ERG: variants seen among roughly 807,000 people sequenced by gnomAD.
The protein encoded by ERG is transcriptional regulator ERG.
Under a neutral mutation model 55.3 loss-of-function variants are expected in ERG, and 9 were observed. The ratio of observed to expected loss-of-function variants is 0.16; its 90% CI spans 0.10 to 0.28. ERG has a LOEUF of 0.28. Among genes scored for constraint, ERG ranks in the 10% least tolerant of loss-of-function variants. The pLI is 1.00. For missense variants in ERG, 434 were observed against 631.6 expected, an observed-to-expected ratio of 0.69 and a Z score of 3.35; for synonymous variants, 223 against 237.3, an observed-to-expected ratio of 0.94 and a Z score of 0.55.
intron 2 of ERG, among the ~76,000 whole-genome samples, chr21:38,527,248 C>G (rs1324439585): frequency 2.0e-5 from 3 of 152,192 alleles, no homozygotes; most frequent in Non-Finnish European, 4.4e-5. Flanking sequence ...AGAATGTGTT[C>G]TAGTCCTTGA....
intron 1 of ERG, among the ~76,000 whole-genome samples, chr21:38,642,488 C>A (rs1218978795): frequency 7.9e-6 from 1 of 126,600 alleles, no homozygotes; most frequent in East Asian, 2.3e-4. Context: ...ATACACAGAC[C>A]CACTCAAACT....
At chr21:38,600,252 T>C (rs2060156837) in intron 1 of ERG, among the ~76,000 whole-genome samples, 1 of 152,048 alleles carries the variant, frequency 6.6e-6, no homozygotes, top group African/African-American at 2.4e-5. Flanking sequence ...GGTTTGAGAA[T>C]GGCTGGGCAT....
chr21:38,541,369 T>C (rs1247035159), intron 2 of ERG, among the ~76,000 whole-genome samples: 1 of 152,228 alleles, frequency 6.6e-6, no homozygotes, highest in Non-Finnish European at 1.5e-5. Context: ...GTTGCCTGGA[T>C]AGCACTGGCT....
chr21:38,433,616 G>A (rs1452674004), intron 2 of ERG, among the ~76,000 whole-genome samples: 2 of 152,184 alleles, frequency 1.3e-5, no homozygotes, highest in East Asian at 1.9e-4. Flanking sequence ...TGGCACAGCC[G>A]TGGCCATTAG....
intron 1 of ERG, among the ~76,000 whole-genome samples, chr21:38,486,700 G>A (rs1172478945): frequency 1.3e-5 from 2 of 152,070 alleles, no homozygotes; most frequent in Non-Finnish European, 2.9e-5. Flanking sequence ...GCCCATAACA[G>A]CTAACATTAT....
intron 1 of ERG, among the ~76,000 whole-genome samples, chr21:38,580,969 G>A (rs532668664): frequency 6.6e-6 from 1 of 152,268 alleles, no homozygotes; most frequent in South Asian, 2.1e-4. Flanking sequence ...ATATAGTCAC[G>A]TGGACATCCC....
At chr21:38,494,626 T>C (rs1601134288) in intron 1 of ERG, among the ~76,000 whole-genome samples, 1 of 152,252 alleles carries the variant, frequency 6.6e-6, no homozygotes, top group African/African-American at 2.4e-5. Flanking sequence ...AAGATCTGTT[T>C]TGCAAAACAA....
chr21:38,462,420 T>C (rs537645258), intron 1 of ERG, among the ~76,000 whole-genome samples: 5 of 152,338 alleles, frequency 3.3e-5, no homozygotes, highest in African/African-American at 9.6e-5. Flanking sequence ...AAAGGGGTCC[T>C]GAGACCAAAA....
intron 1 of ERG, among the ~76,000 whole-genome samples, chr21:38,580,886 G>T (rs781318562): frequency 5.3e-5 from 8 of 152,174 alleles, no homozygotes; most frequent in Non-Finnish European, 1.0e-4. Flanking sequence ...AAAATAGATG[G>T]AAGTTTGAGA....
intron 2 of ERG, among the ~76,000 whole-genome samples, chr21:38,540,346 A>T (rs1387014499): frequency 6.6e-6 from 1 of 152,050 alleles, no homozygotes; most frequent in African/African-American, 2.4e-5. Flanking sequence ...CATTTTTGTC[A>T]CCCCAAAAGG....
chr21:38,397,372 G>C (rs571337879), intron 6 of ERG, among the ~76,000 whole-genome samples: 1 of 152,166 alleles, frequency 6.6e-6, no homozygotes, highest in Admixed American at 6.5e-5. Context: ...GGCAGAGGTG[G>C]GCGGATCACG....
intron 1 of ERG, among the ~76,000 whole-genome samples, chr21:38,636,801 C>T (rs1468979570): frequency 2.0e-5 from 3 of 152,132 alleles, no homozygotes; most frequent in Non-Finnish European, 4.4e-5. Flanking sequence ...ATTCCGGGGC[C>T]CTGTACTCTA....
At chr21:38,590,007 AGTTCTAATT>A (rs1470857282) in intron 1 of ERG, among the ~76,000 whole-genome samples, 1 of 152,190 alleles carries the variant, frequency 6.6e-6, no homozygotes, top group Non-Finnish European at 1.5e-5. Context: ...TATGCTCTTC[AGTTCTAATT>A]TTAAAATAAA....
intron 1 of ERG, among the ~76,000 whole-genome samples, chr21:38,446,340 T>G (rs1422520744): frequency 2.0e-5 from 3 of 151,526 alleles, no homozygotes; most frequent in African/African-American, 7.3e-5. Context: ...TTACTTTCAA[T>G]TAATATCTTC....
At chr21:38,523,069 G>A (rs2059606094) in intron 2 of ERG, among the ~76,000 whole-genome samples, 1 of 152,178 alleles carries the variant, frequency 6.6e-6, no homozygotes, top group Admixed American at 6.5e-5. Context: ...GAGGCATTGT[G>A]TCTGGGTGAG....
intron 2 of ERG, among the ~76,000 whole-genome samples, chr21:38,535,939 A>G (rs967607490): frequency 2.6e-5 from 4 of 152,108 alleles, no homozygotes; most frequent in African/African-American, 9.7e-5. Context: ...TTTTTAATCA[A>G]CACTATCTTC....
At chr21:38,384,322 G>A (rs1987591562) in intron 9 of ERG, among the ~76,000 whole-genome samples, 1 of 152,198 alleles carries the variant, frequency 6.6e-6, no homozygotes, top group Admixed American at 6.5e-5. Context: ...CTTCCTTAGC[G>A]CTGCCCCTGC....
At chr21:38,507,319 C>T (rs928589070) in intron 2 of ERG, among the ~76,000 whole-genome samples, 16 of 152,212 alleles carry the variant, frequency 1.1e-4, no homozygotes, top group African/African-American at 3.6e-4. Context: ...CCCAACTGCT[C>T]GGTGACCCCG....
intron 2 of ERG, among the ~76,000 whole-genome samples, chr21:38,573,302 T>G (rs200068032): frequency 2.0e-5 from 3 of 152,172 alleles, no homozygotes; most frequent in Admixed American, 6.5e-5. Context: ...CCGACACCCG[T>G]AAAGGGTCTG....
Sources: allele counts gnomAD v4.1 joint callset (sites outside exome capture counted in the v4.1 genomes callset), GRCh38; gene constraint gnomAD v4.1.1; transcripts MANE v1.5; gene names NCBI Gene and HGNC (gene_info 2026-07-23, HGNC 2026-07-21).